Variants in PPP2R1B observed in about 807,000 individuals in gnomAD.
The protein encoded by PPP2R1B is protein phosphatase 2 scaffold subunit Abeta, also known as serine/threonine-protein phosphatase 2A 65 kDa regulatory subunit A beta isoform.
In PPP2R1B, 58 loss-of-function variants were observed where a neutral mutation model predicts 72.7. The observed-to-expected ratio is 0.80, with a 90% CI of 0.65 to 0.99. The LOEUF (loss-of-function observed/expected upper bound fraction) is 0.99. Among genes scored for constraint, PPP2R1B ranks in the 50% least tolerant of loss-of-function variants. PPP2R1B has a pLI of 0.00. For synonymous variants in PPP2R1B, 256 were observed against 264.6 expected (o/e 0.97, Z 0.32); for missense variants, 695 against 733.6 (o/e 0.95, Z 0.61).
chr11:111,759,185 T>C (rs1318314696), intron 5 of PPP2R1B, among the ~76,000 whole-genome samples: 1 of 152,202 alleles, frequency 6.6e-6, no homozygotes, highest in Admixed American at 6.5e-5. Context: ...ACTTAAACTT[T>C]CTGTGCCTTT....
At chr11:111,749,066 T>G (rs2136067147) in intron 10 of PPP2R1B, among the ~76,000 whole-genome samples, 1 of 152,006 alleles carries the variant, frequency 6.6e-6, no homozygotes, top group South Asian at 2.1e-4. Context: ...GCTGGTCTCT[T>G]AACTCCTGAC....
the PPP2R1B span, among the ~76,000 whole-genome samples, chr11:111,720,243 C>G: frequency 2.6e-5 from 4 of 152,190 alleles, no homozygotes; most frequent in Admixed American, 6.5e-5. Flanking sequence ...CGTGATTGAT[C>G]AGGGACTCTG....
chr11:111,741,505 GT>G lies in PPP2R1B; in HGVS notation c.*90del. The G allele has an allele frequency of 5.1e-6, 8 of 1,556,178 alleles. No individual in the cohort carries two copies. The highest frequency in any genetic ancestry group is 6.9e-6 in the Non-Finnish European group (8 of 1,157,066). ...CATTTGCTTGGATGAGATCTTGAAG[GT>G]TTTCCATTCTTTCTCCACCCAGTTA... On this transcript the variant is annotated 3_prime_UTR_variant, in exon 15 of 15. Transcript: ENST00000527614.
At chr11:111,741,970 C>A in intron 14 of PPP2R1B, 83 bp downstream of exon 14, 1 of 1,151,260 alleles carries the variant, frequency 8.7e-7, no homozygotes. Context: ...TATCATCCTA[C>A]CCACTTAACA....
the PPP2R1B span, chr11:111,721,162 G>T: frequency 7.2e-7 from 1 of 1,379,806 alleles, no homozygotes; most frequent in Non-Finnish European, 9.7e-7. Context: ...CTCCAGTCCT[G>T]GAGCAAACAG....
chr11:111,732,080 C>T (rs534261855), intron 15 of PPP2R1B, among the ~76,000 whole-genome samples: 1 of 152,350 alleles, frequency 6.6e-6, no homozygotes, highest in East Asian at 1.9e-4. Flanking sequence ...ACCCCAAACC[C>T]AGGGCCTCTG....
At chr11:111,700,155 G>A in the PPP2R1B span, among the ~76,000 whole-genome samples, 3 of 152,222 alleles carry the variant, frequency 2.0e-5, no homozygotes, top group Non-Finnish European at 2.9e-5. Flanking sequence ...CATCTAAGTA[G>A]TGTTTCCAGA....
chr11:111,742,328 C>G (rs1944552232), intron 13 of PPP2R1B, 184 bp from the exon 14 acceptor site: 3 of 763,876 alleles, frequency 3.9e-6, no homozygotes, highest in Admixed American at 3.0e-5. Context: ...AGACAAGGAT[C>G]TACACATTTA....
At position 111,740,174 on chromosome 11, in the gene PPP2R1B, C is replaced by T; in HGVS notation, c.*1422G>A. 2.0e-6 allele frequency: 2 copies of T among 985,346 alleles called. No homozygotes were observed. Among genetic ancestry groups the T allele is most frequent in the Non-Finnish European group, 2.4e-6 (2 of 829,900 alleles). The allele number at this position is 985,346 out of a possible 1,614,324, so 61.0% of individuals were successfully genotyped here. Reference sequence around the variant, plus strand: ...AGAAAAATAAACTATGGGAAAACCCCCTTAACCAAAAGTCATGAGACAAGG... The same window carrying T: ...AGAAAAATAAACTATGGGAAAACCCTCTTAACCAAAAGTCATGAGACAAGG... On this transcript the variant is annotated 3_prime_UTR_variant, in exon 15 of 15. Coordinates refer to ENST00000527614, the MANE Select transcript of PPP2R1B (RefSeq NM_002716.5).
Position 111,752,178 on chromosome 11 carries a change from G to A in PPP2R1B, c.1319C>T (p.Pro440Leu), listed in dbSNP as rs1555048136. ...ACTCACCAGCTGGCCTGCCAGCAGC[G>A]GCATATACTCAATGATGGCCAGGCG... ...RVRLAIIEYM[P>L]LLAGQLGVEF... Residue 440 changes from proline (P) to leucine (L), a missense_variant, in exon 10 of 15, where the codon CCG becomes CTG. Transcript: ENST00000527614. 12 of 1,612,350 alleles carry A rather than the reference G, an allele frequency of 7.4e-6. No individual in the cohort carries two copies. The East Asian group carries it at 8.9e-5, about 12-fold the overall frequency.
chr11:111,692,364 A>C, the PPP2R1B span, among the ~76,000 whole-genome samples: 1 of 119,450 alleles, frequency 8.4e-6, no homozygotes, highest in African/African-American at 3.9e-5. Flanking sequence ...AAAAAAAAAA[A>C]AAAAAAAAAA....
chr11:111,693,862 A>G, the PPP2R1B span, among the ~76,000 whole-genome samples: 1 of 152,240 alleles, frequency 6.6e-6, no homozygotes, highest in Non-Finnish European at 1.5e-5. Flanking sequence ...ATGTAGGGTA[A>G]TAGGTCAGAG....
chr11:111,714,817 C>T, the PPP2R1B span, among the ~76,000 whole-genome samples: 2 of 152,152 alleles, frequency 1.3e-5, no homozygotes, highest in African/African-American at 4.8e-5. Flanking sequence ...AGGATGAGTC[C>T]ACTGCCTAGG....
chr11:111,748,286 A>C (rs1162106539), intron 10 of PPP2R1B, among the ~76,000 whole-genome samples: 3 of 152,262 alleles, frequency 2.0e-5, no homozygotes, highest in Non-Finnish European at 2.9e-5. Flanking sequence ...ACACTGCAAA[A>C]GAGCAGGAAG....
chr11:111,722,872 C>T (rs1023423213), downstream of PPP2R1B: 22 of 923,892 alleles, frequency 2.4e-5, no homozygotes, highest in African/African-American at 2.5e-4. The surrounding 1 kb of genome is among the most constrained non-coding windows in gnomAD (Gnocchi z 4.4). Flanking sequence ...AGGTTTTCTG[C>T]GTGTGTCACA....
At chr11:111,745,672 G>A (rs771676641) in intron 11 of PPP2R1B, among the ~76,000 whole-genome samples, 6 of 152,090 alleles carry the variant, frequency 3.9e-5, no homozygotes, top group Non-Finnish European at 8.8e-5. Flanking sequence ...CTCAATAACT[G>A]ATACCTTCTC....
At chr11:111,707,193 C>G in the PPP2R1B span, among the ~76,000 whole-genome samples, 1 of 152,130 alleles carries the variant, frequency 6.6e-6, no homozygotes, top group South Asian at 2.1e-4. Context: ...CTGGAAAGCC[C>G]CCAGGGCCAG....
chr11:111,751,464 T>C (rs782058743), intron 10 of PPP2R1B, among the ~76,000 whole-genome samples: 15 of 152,190 alleles, frequency 9.9e-5, no homozygotes, highest in Non-Finnish European at 2.1e-4. Flanking sequence ...AAATCCAAAA[T>C]GTGAAATGCT....
At chr11:111,742,300 C>A in intron 13 of PPP2R1B, 156 bp from the exon 14 acceptor site, 1 of 677,910 alleles carries the variant, frequency 1.5e-6, no homozygotes, top group Non-Finnish European at 2.2e-6. Flanking sequence ...TAAAGAAATT[C>A]TCAGCAAAAT....
Sources: allele counts gnomAD v4.1 joint callset (sites outside exome capture counted in the v4.1 genomes callset), GRCh38; gene constraint gnomAD v4.1.1; non-coding constraint Gnocchi (gnomAD v3.1); transcripts MANE v1.5; gene names NCBI Gene and HGNC (gene_info 2026-07-23, HGNC 2026-07-21).